Variants in USP4 observed in about 807,000 individuals in gnomAD.
USP4 encodes ubiquitin specific peptidase 4.
USP4 carries 72 observed loss-of-function variants against 118.2 expected under a neutral mutation model. The observed-to-expected ratio is 0.61, with a 90% CI of 0.50 to 0.74. The LOEUF (loss-of-function observed/expected upper bound fraction) is 0.74. USP4 is among the 30% of genes least tolerant of loss of function. USP4 has a pLI of 0.00. For missense variants in USP4, 1,037 were observed against 1,185.7 expected (o/e 0.87, Z 1.84); for synonymous variants, 415 against 440.4 (o/e 0.94, Z 0.72).
chr3:49,288,254 A>G (rs1181538203), intron 15 of USP4, among the ~76,000 whole-genome samples: 1 of 152,208 alleles, frequency 6.6e-6, no homozygotes, highest in Non-Finnish European at 1.5e-5. Flanking sequence ...AACTGCCTCT[A>G]TCCCACTCAG....
At position 49,295,714 on chromosome 3, in the gene USP4, G is replaced by GCGCA. The variant is rs149459963; in HGVS notation, c.1692-1117_1692-1116insTGCG. ...CATATGCACGTGTGCGCGCGCGCGC[G>GCGCA]CACACACACACACACACACACCCCC... is the stretch of plus-strand genomic sequence containing the variant. On this transcript the variant is annotated intron_variant, in intron 13 of 21. Transcript: ENST00000265560. Among the ~76,000 whole-genome samples, 344 of 148,412 alleles carry GCGCA rather than the reference G, an allele frequency of 2.3e-3. 1 individual carries two copies. Among genetic ancestry groups the GCGCA allele is most frequent in the Non-Finnish European group, 3.4e-3 (233 of 67,666 alleles).
intron 20 of USP4, among the ~76,000 whole-genome samples, chr3:49,280,540 A>T (rs1175239449): frequency 2.7e-5 from 4 of 150,416 alleles, no homozygotes; most frequent in Non-Finnish European, 5.9e-5. Context: ...AGCCTGGGTG[A>T]CATAACGAGA....
chr3:49,335,726 A>G (rs1278369766), intron 1 of USP4, 130 bp from the exon 2 acceptor site: 1 of 1,027,126 alleles, frequency 9.7e-7, no homozygotes, highest in Non-Finnish European at 1.4e-6. Context: ...CACTGTCACA[A>G]GAGCAAGAGC....
chr3:49,285,543 G>A (rs1263370281), intron 16 of USP4, among the ~76,000 whole-genome samples: 2 of 152,148 alleles, frequency 1.3e-5, no homozygotes, highest in Admixed American at 6.5e-5. Context: ...CTACTCAGGA[G>A]GGTGAGGTGG....
At chr3:49,286,066 G>A in intron 16 of USP4, 32 bp downstream of exon 16, 1 of 1,602,904 alleles carries the variant, frequency 6.2e-7, no homozygotes, top group Non-Finnish European at 8.5e-7. Flanking sequence ...AGACCCTAAA[G>A]CCCAGCTTGA....
chr3:49,337,683 T>G (rs923015393), intron 1 of USP4, among the ~76,000 whole-genome samples: 1 of 151,986 alleles, frequency 6.6e-6, no homozygotes, highest in Admixed American at 6.6e-5. Context: ...GTGATCCTCC[T>G]GCCTCAGCTT....
At chr3:49,292,632 T>C (rs2047163205) in intron 14 of USP4, 34 bp from the exon 15 acceptor site, 73 of 1,425,182 alleles carry the variant, frequency 5.1e-5, no homozygotes, top group Non-Finnish European at 6.8e-5. Context: ...AAAAAAAAGA[T>C]TGTTAGTTGT....
intron 9 of USP4, among the ~76,000 whole-genome samples, chr3:49,303,396 G>C (rs921604187): frequency 2.8e-5 from 4 of 140,902 alleles, no homozygotes; most frequent in African/African-American, 1.1e-4. Flanking sequence ...AGCCGAAATT[G>C]TGCCAGTACG....
At chr3:49,319,368 C>T (rs1050564045) in intron 6 of USP4, among the ~76,000 whole-genome samples, 1 of 151,786 alleles carries the variant, frequency 6.6e-6, no homozygotes, top group Non-Finnish European at 1.5e-5. Context: ...CCTGCCTCAG[C>T]CTCCCGAGTA....
In USP4 at chr3:49,278,370, A is replaced by C. The variant is rs200057278; in HGVS notation, c.2815T>G (p.Ser939Ala). The part of the protein sequence containing the change: ...KTPSLSSSGS[S>A]DGGTRPSSSQ... ...CTGCTTGGTCGTGTCCCTCCATCAG[A>C]GGAACCAGAACTGCTAAGTGAAGGT... is the stretch of plus-strand genomic sequence containing the variant. Residue 939 changes from serine to alanine, a missense_variant, in exon 22 of 22, where the codon TCT becomes GCT. Physicochemically the swap from Ser to Ala is moderately conservative, Grantham distance 99. Transcript: ENST00000265560. The C allele has an allele frequency of 2.0e-5, 33 of 1,614,196 alleles. No individual in the cohort carries two copies. Among genetic ancestry groups the C allele is most frequent in the Admixed American group, 8.3e-5 (5 of 60,004 alleles).
intron 19 of USP4, among the ~76,000 whole-genome samples, chr3:49,282,859 C>T (rs779052591): frequency 2.0e-5 from 3 of 151,668 alleles, no homozygotes; most frequent in Non-Finnish European, 4.4e-5. Context: ...AGGCGTGCAC[C>T]ACCACATCCA....
At chr3:49,318,641 G>C in intron 6 of USP4, 2 of 984,754 alleles carry the variant, frequency 2.0e-6, no homozygotes, top group Non-Finnish European at 2.4e-6. Flanking sequence ...AGGTGTGGTG[G>C]CTCACGCCTG....
At chr3:49,315,477 A>C (rs1191912216) in intron 6 of USP4, among the ~76,000 whole-genome samples, 1 of 152,222 alleles carries the variant, frequency 6.6e-6, no homozygotes, top group Non-Finnish European at 1.5e-5. Flanking sequence ...ACTGTGGAAC[A>C]AACCCTGGGC....
At chr3:49,335,711 A>C in intron 1 of USP4, 115 bp from the exon 2 acceptor site, 1 of 1,214,618 alleles carries the variant, frequency 8.2e-7, no homozygotes, top group Non-Finnish European at 1.2e-6. Flanking sequence ...ATACCCACTA[A>C]AAAACACTGT....
At chr3:49,312,474 C>CAA (rs762051436) in intron 6 of USP4, 106 of 385,052 alleles carry the variant, frequency 2.8e-4, no homozygotes, top group Middle Eastern at 6.3e-4. Context: ...GACTCCATCT[C>CAA]AAAAAAAAAA....
intron 9 of USP4, among the ~76,000 whole-genome samples, chr3:49,302,797 G>A (rs970418817): frequency 6.6e-6 from 1 of 152,118 alleles, no homozygotes; most frequent in African/African-American, 2.4e-5. Context: ...GAGGAAGGGT[G>A]GAGTACCCTG....
At chr3:49,295,134 A>AAACAATT (rs2047189836) in intron 13 of USP4, among the ~76,000 whole-genome samples, 1 of 151,974 alleles carries the variant, frequency 6.6e-6, no homozygotes, top group Non-Finnish European at 1.5e-5. Context: ...CTAAAAATAC[A>AAACAATT]AACAATTAGA....
At chr3:49,318,343 G>A in intron 6 of USP4, 1 of 985,550 alleles carries the variant, frequency 1.0e-6, no homozygotes, top group Non-Finnish European at 1.2e-6. Context: ...CCAACACTGT[G>A]AACACCATCT....
At chr3:49,287,216 G>A (rs761176509) in intron 15 of USP4, among the ~76,000 whole-genome samples, 23 of 151,812 alleles carry the variant, frequency 1.5e-4, no homozygotes, top group Admixed American at 3.3e-4. Flanking sequence ...ATGCAATGGC[G>A]TGATCTCAGC....
Sources: allele counts gnomAD v4.1 joint callset (sites outside exome capture counted in the v4.1 genomes callset), GRCh38; gene constraint gnomAD v4.1.1; transcripts MANE v1.5; gene names NCBI Gene and HGNC (gene_info 2026-07-23, HGNC 2026-07-21).